The following SYN3 variants were observed in gnomAD, a reference collection of about 807,000 sequenced individuals.
SYN3 encodes synapsin III, also known as synapsin-3.
A neutral mutation model predicts 65.8 loss-of-function variants in SYN3; 35 were observed. The ratio of observed to expected loss-of-function variants is 0.53; its 90% confidence interval spans 0.41 to 0.70. SYN3 has a LOEUF of 0.70. Among genes scored for constraint, SYN3 ranks in the 30% least tolerant of loss-of-function variants. SYN3 has a pLI of 0.00. For synonymous variants in SYN3, 270 were observed against 292.9 expected (o/e 0.92, Z 0.80); for missense variants, 680 against 749.0 (o/e 0.91, Z 1.08).
rs1021406970 is a variant in SYN3, at chr22:32,572,257, T to A, written c.774+24417A>T. 2.0e-3 allele frequency among the ~76,000 whole-genome samples: 247 copies of A among 122,714 alleles called. 3 individuals carry two copies. The highest frequency in any genetic ancestry group is 3.4e-3 in the Non-Finnish European group (199 of 58,452). 80.5% of individuals were successfully genotyped at this position (122,714 alleles called of 152,430 possible). On this transcript the variant is annotated intron_variant, in intron 7 of 13. Transcript: ENST00000358763. ...TCAGATTCTGGCTCCTTCCTTCCTTTCCTTCCTTCCTTCCCCCCTCCCTCC... is the reference window on the plus strand; with the variant it reads ...TCAGATTCTGGCTCCTTCCTTCCTTACCTTCCTTCCTTCCCCCCTCCCTCC...
chr22:33,012,250 C>G (rs889531949), intron 1 of SYN3, among the ~76,000 whole-genome samples: 1 of 152,018 alleles, frequency 6.6e-6, no homozygotes, highest in Non-Finnish European at 1.5e-5. Flanking sequence ...CTGTTTATCC[C>G]TTATAATTTT....
chr22:32,683,890 A>G (rs1009173498), intron 6 of SYN3, among the ~76,000 whole-genome samples: 5 of 152,206 alleles, frequency 3.3e-5, no homozygotes, highest in African/African-American at 1.2e-4. Flanking sequence ...CAAGCAAGCT[A>G]ACACTGCAGT....
chr22:32,863,479 G>GT (rs2048604792), intron 6 of SYN3, among the ~76,000 whole-genome samples: 1 of 152,110 alleles, frequency 6.6e-6, no homozygotes, highest in African/African-American at 2.4e-5. Flanking sequence ...GCCTAGTTGG[G>GT]AACACCAGGA....
chr22:32,543,897 A>G (rs1307526719), intron 7 of SYN3, among the ~76,000 whole-genome samples: 2 of 152,222 alleles, frequency 1.3e-5, no homozygotes, highest in Non-Finnish European at 2.9e-5. Context: ...CTGCATGTTG[A>G]GGATGGCTGA....
chr22:32,942,079 G>C (rs2050957697), intron 3 of SYN3, among the ~76,000 whole-genome samples: 1 of 152,224 alleles, frequency 6.6e-6, no homozygotes, highest in African/African-American at 2.4e-5. Flanking sequence ...GTCCCTGTCT[G>C]ACAGCTTTGA....
intron 7 of SYN3, among the ~76,000 whole-genome samples, chr22:32,594,814 A>AG (rs2059175974): frequency 6.6e-6 from 1 of 152,274 alleles, no homozygotes; most frequent in African/African-American, 2.4e-5. Context: ...GGCTGCCTGA[A>AG]GGGAATGGAG....
chr22:32,711,294 G>T (rs976646691), intron 6 of SYN3, among the ~76,000 whole-genome samples: 3 of 152,226 alleles, frequency 2.0e-5, no homozygotes, highest in Non-Finnish European at 4.4e-5. Flanking sequence ...TAATGACTTG[G>T]CATGGGGAGA....
intron 3 of SYN3, among the ~76,000 whole-genome samples, chr22:32,951,684 AC>A (rs2051294851): frequency 6.6e-6 from 1 of 152,122 alleles, no homozygotes; most frequent in Admixed American, 6.5e-5. Context: ...TGGGACCCAT[AC>A]CCAGGCCAAC....
intron 7 of SYN3, among the ~76,000 whole-genome samples, chr22:32,573,007 T>C (rs940134385): frequency 2.6e-5 from 4 of 152,228 alleles, no homozygotes; most frequent in African/African-American, 9.6e-5. Flanking sequence ...TAAGAGGTGA[T>C]TGTTAAATAT....
chr22:32,524,010 C>CT (rs2057934175), intron 12 of SYN3, among the ~76,000 whole-genome samples: 1 of 152,220 alleles, frequency 6.6e-6, no homozygotes, highest in African/African-American at 2.4e-5. Context: ...GAGCAAGGCC[C>CT]TAACTACTTT....
At chr22:32,610,565 T>TTTTTGTTTTG (rs59707741) in intron 6 of SYN3, among the ~76,000 whole-genome samples, 112 of 150,404 alleles carry the variant, frequency 7.4e-4, no homozygotes, top group Non-Finnish European at 1.3e-3. Flanking sequence ...TGTATGTGTG[T>TTTTTGTTTTG]TTTTGTTTTG....
At chr22:32,781,978 A>G (rs990067192) in intron 6 of SYN3, among the ~76,000 whole-genome samples, 1 of 151,842 alleles carries the variant, frequency 6.6e-6, no homozygotes, top group Non-Finnish European at 1.5e-5. Context: ...TCCTCTTTCT[A>G]TCTTCTCAGA....
At chr22:32,545,039 C>T (rs1231489711) in intron 7 of SYN3, among the ~76,000 whole-genome samples, 2 of 152,186 alleles carry the variant, frequency 1.3e-5, no homozygotes, top group South Asian at 4.1e-4. Context: ...TTTTGGCCAA[C>T]AAGATGTGAG....
intron 6 of SYN3, chr22:32,861,272 A>G (rs2048530652): frequency 6.6e-6 from 1 of 152,190 alleles, no homozygotes; most frequent in Non-Finnish European, 1.5e-5. Context: ...GTGGGAAGAG[A>G]GTACCGGCAT....
intron 1 of SYN3, among the ~76,000 whole-genome samples, chr22:33,009,971 G>A (rs1188510289): frequency 5.3e-5 from 8 of 152,016 alleles, no homozygotes; most frequent in Non-Finnish European, 8.8e-5. Flanking sequence ...GGTGGCTCAC[G>A]CCTGTAATCC....
chr22:32,977,475 T>C (rs1275306779), intron 3 of SYN3, among the ~76,000 whole-genome samples: 3 of 151,996 alleles, frequency 2.0e-5, no homozygotes, highest in East Asian at 3.9e-4. Flanking sequence ...GTGGTAGCCA[T>C]GTGTGGTGGC....
chr22:32,569,240 ATC>A (rs1443731803), intron 7 of SYN3, among the ~76,000 whole-genome samples: 1 of 144,806 alleles, frequency 6.9e-6, no homozygotes, highest in African/African-American at 2.6e-5. Flanking sequence ...CTTTCTATCT[ATC>A]TCTATGCATC....
intron 6 of SYN3, among the ~76,000 whole-genome samples, chr22:32,656,817 G>T (rs1245805949): frequency 6.6e-6 from 1 of 152,086 alleles, no homozygotes; most frequent in African/African-American, 2.4e-5. Context: ...ATGTAGGGAC[G>T]TCCATACCAG....
In SYN3 at chr22:33,043,286, G is replaced by C. The variant is rs1281491017; in HGVS notation, c.-163+15006C>G. 2.0e-5 allele frequency among the ~76,000 whole-genome samples: 3 copies of C among 152,214 alleles called. No homozygotes were observed. In the South Asian group the frequency reaches 6.2e-4, roughly 31 times the overall value. On this transcript the variant is annotated intron_variant, in intron 1 of 13. Transcript: ENST00000358763. ...GCAAGAGCTGGGCACAGTGGCTCAC[G>C]CCTATAATCCCAGCAGTTTGGGAGG... is the stretch of plus-strand genomic sequence containing the variant.
Sources: allele counts gnomAD v4.1 joint callset (sites outside exome capture counted in the v4.1 genomes callset), GRCh38; gene constraint gnomAD v4.1.1; transcripts MANE v1.5; gene names NCBI Gene and HGNC (gene_info 2026-07-23, HGNC 2026-07-21).